PREX1: variants seen among roughly 807,000 people sequenced by gnomAD.
PREX1 encodes phosphatidylinositol-3,4,5-trisphosphate dependent Rac exchange factor 1, also known as phosphatidylinositol 3,4,5-trisphosphate-dependent Rac exchanger 1 protein.
Under a neutral mutation model 198.3 loss-of-function variants are expected in PREX1, and 41 were observed. That is an observed-to-expected ratio of 0.21 (90% CI 0.16 to 0.27). The LOEUF (loss-of-function observed/expected upper bound fraction) is 0.27, where lower values mean the gene tolerates loss of function less well. Ranked by LOEUF, PREX1 falls within the 10% of genes least tolerant of loss-of-function variation. The pLI is 1.00. For synonymous variants in PREX1, 843 were observed against 887.2 expected (o/e 0.95, Z 0.89); for missense variants, 1,620 against 2,200.7 (o/e 0.74, Z 5.28).
Position 48,691,091 on chromosome 20 carries a change from A to G in PREX1, c.1042T>C (p.Tyr348His). The change falls in exon 9 of 40, where the codon TAC becomes CAC. Residue 348 changes from tyrosine to histidine, a missense_variant. Transcript: ENST00000371941. The surrounding 1 kb of genome is among the most constrained non-coding windows in gnomAD (Gnocchi z 5.0). ...VENVEDGTAD[Y>H]HSNGYTVTNG... ...GTGACGGTATAGCCGTTGCTATGGT[A>G]ATCCGCTGGTGGGGGCAGGAGGCAA... is the stretch of plus-strand genomic sequence containing the variant. 1.9e-6 allele frequency: 3 copies of G among 1,614,156 alleles called. No individual in the cohort carries two copies. The highest frequency in any genetic ancestry group is 2.5e-6 in the Non-Finnish European group (3 of 1,180,008).
At chr20:48,806,850 A>G (rs1217788962) in intron 1 of PREX1, among the ~76,000 whole-genome samples, 1 of 152,216 alleles carries the variant, frequency 6.6e-6, no homozygotes, top group Non-Finnish European at 1.5e-5. Context: ...CAGAAGGTGA[A>G]GAGGGCTCAG....
chr20:48,656,755 C>A (rs2089546822), intron 18 of PREX1, among the ~76,000 whole-genome samples: 1 of 152,208 alleles, frequency 6.6e-6, no homozygotes, highest in Admixed American at 6.5e-5. Flanking sequence ...TGTATCTGCA[C>A]ATTGTCTGTC....
intron 1 of PREX1, among the ~76,000 whole-genome samples, chr20:48,807,148 T>C (rs6019434): frequency 0.069 from 10,480 of 152,248 alleles, 518 homozygotes; most frequent in African/African-American, 0.14. Context: ...TTAGAACTAG[T>C]GTAGCAATGC....
the PREX1 span, among the ~76,000 whole-genome samples, chr20:48,864,577 G>C: frequency 6.6e-6 from 1 of 152,202 alleles, no homozygotes; most frequent in African/African-American, 2.4e-5. Context: ...ATGAACCTGA[G>C]GTCACATCGC....
chr20:48,771,262 G>A (rs181140667), intron 1 of PREX1, among the ~76,000 whole-genome samples: 3 of 151,104 alleles, frequency 2.0e-5, no homozygotes, highest in Admixed American at 6.6e-5. Flanking sequence ...CCGACCTTTA[G>A]GTTGTTGCCG....
At position 48,676,114 on chromosome 20, in the gene PREX1, A is replaced by G. The variant is rs989533065; in HGVS notation, c.1665+79T>C. On this transcript the variant is annotated intron_variant, in intron 14 of 39. Coordinates refer to ENST00000371941, the MANE Select transcript of PREX1 (RefSeq NM_020820.4). Reference sequence around the variant, plus strand: ...GCCACAATTAAAAGCAATAAGAAAAAATCTTTAAACAAAACAGAAAGCCCC... The same window carrying G: ...GCCACAATTAAAAGCAATAAGAAAAGATCTTTAAACAAAACAGAAAGCCCC... 6.4e-6 allele frequency: 9 copies of G among 1,415,426 alleles called. No individual in the cohort carries two copies. In the African/African-American group the frequency reaches 1.3e-4, roughly 20 times the overall value. The allele number at this position is 1,415,426 out of a possible 1,614,324, so 87.7% of individuals were successfully genotyped here. A position where few individuals can be genotyped will look rare whatever the true frequency, so the allele number is the denominator to read the frequency against.
chr20:48,851,300 A>T, the PREX1 span, among the ~76,000 whole-genome samples: 1 of 152,134 alleles, frequency 6.6e-6, no homozygotes, highest in South Asian at 2.1e-4. Context: ...TGAGGTTAGG[A>T]GTTCAAGACC....
chr20:48,664,994 G>A (rs2089626669), intron 15 of PREX1, among the ~76,000 whole-genome samples: 1 of 144,178 alleles, frequency 6.9e-6, no homozygotes, highest in African/African-American at 2.5e-5. Context: ...GCCCCAGACG[G>A]CCTGAATTCT....
At chr20:48,884,083 G>C in the PREX1 span, among the ~76,000 whole-genome samples, 1 of 149,976 alleles carries the variant, frequency 6.7e-6, no homozygotes, top group Non-Finnish European at 1.5e-5. Context: ...GGAGCTTGCA[G>C]TGAGCCGAGA....
intron 1 of PREX1, among the ~76,000 whole-genome samples, chr20:48,814,915 A>C (rs2090453154): frequency 6.6e-6 from 1 of 152,222 alleles, no homozygotes; most frequent in South Asian, 2.1e-4. Context: ...TAGGAGATGC[A>C]CTTGGAATAT....
intron 4 of PREX1, among the ~76,000 whole-genome samples, chr20:48,731,511 T>C (rs755015705): frequency 4.7e-4 from 71 of 152,352 alleles, no homozygotes; most frequent in Non-Finnish European, 7.9e-4. Flanking sequence ...TAGTAAGAAG[T>C]TGCTGGATGA....
chr20:48,639,759 C>A lies in PREX1; in HGVS notation c.3904+7G>T. On this transcript the variant is annotated splice_region_variant and intron_variant, in intron 30 of 39. Transcript: ENST00000371941. The stretch of plus-strand genomic sequence containing the variant: ...CCCACCATGATGCACCCTCCCTGCC[C>A]ACCGACCTTCCACATATCTCTGAAT... 6.2e-7 allele frequency: 1 copy of A among 1,613,622 alleles called. No homozygotes were observed. Among genetic ancestry groups the A allele is most frequent in the South Asian group, 1.1e-5 (1 of 91,034 alleles).
intron 1 of PREX1, among the ~76,000 whole-genome samples, chr20:48,794,639 C>A (rs1217396053): frequency 6.6e-6 from 1 of 152,102 alleles, no homozygotes; most frequent in African/African-American, 2.4e-5. Flanking sequence ...GGGGGCTGGG[C>A]CGGGAAGTGC....
upstream of PREX1, among the ~76,000 whole-genome samples, chr20:48,831,225 G>A (rs1352883992): frequency 1.3e-5 from 2 of 152,144 alleles, no homozygotes; most frequent in African/African-American, 2.4e-5. Context: ...CTCTTTGGGG[G>A]AATAAACTTA....
chr20:48,833,858 C>T, the PREX1 span, among the ~76,000 whole-genome samples: 2 of 152,088 alleles, frequency 1.3e-5, no homozygotes, highest in Admixed American at 6.5e-5. Context: ...CCGAGACGGG[C>T]GGATAGCGAG....
chr20:48,766,482 G>A lies in PREX1; in HGVS notation c.220-18602C>T, dbSNP rs143502280. Among the ~76,000 whole-genome samples the A allele has an allele frequency of 8.3e-4, 127 of 152,310 alleles. 1 individual carries two copies. In the South Asian group the frequency reaches 9.9e-3, roughly 12 times the overall value. The stretch of plus-strand genomic sequence containing the variant: ...CTCCAAGCTGTGCTGCAGCCAGACC[G>A]GCCTCCAGGATCCTCAGCTGTTCCC... On this transcript the variant is annotated intron_variant, in intron 1 of 39. Coordinates refer to ENST00000371941, the MANE Select transcript of PREX1 (RefSeq NM_020820.4).
At chr20:48,650,384 G>C (rs919052788) in intron 23 of PREX1, among the ~76,000 whole-genome samples, 178 bp from the exon 24 acceptor site, 1 of 152,242 alleles carries the variant, frequency 6.6e-6, no homozygotes, top group Non-Finnish European at 1.5e-5. Context: ...CAGGACTGCA[G>C]GGAAGGCCTG....
chr20:48,760,577 T>C (rs1399609000), intron 1 of PREX1, among the ~76,000 whole-genome samples: 2 of 152,114 alleles, frequency 1.3e-5, no homozygotes, highest in Non-Finnish European at 2.9e-5. Context: ...AGTGAAATGA[T>C]GCAGGTGAAC....
chr20:48,728,535 C>T (rs1300967317), intron 4 of PREX1, among the ~76,000 whole-genome samples: 1 of 152,250 alleles, frequency 6.6e-6, no homozygotes, highest in Non-Finnish European at 1.5e-5. Flanking sequence ...ACCCCTGGCA[C>T]AGATGGGGGA....
Sources: allele counts gnomAD v4.1 joint callset (sites outside exome capture counted in the v4.1 genomes callset), GRCh38; gene constraint gnomAD v4.1.1; non-coding constraint Gnocchi (gnomAD v3.1); transcripts MANE v1.5; gene names NCBI Gene and HGNC (gene_info 2026-07-23, HGNC 2026-07-21).